HSPG2: variants seen among roughly 807,000 people sequenced by gnomAD.
HSPG2 encodes the protein basement membrane-specific heparan sulfate proteoglycan core protein.
HSPG2 carries 278 observed loss-of-function variants against 526.6 expected under a neutral mutation model. The observed-to-expected ratio is 0.53, with a 90% confidence interval of 0.48 to 0.58. The LOEUF (loss-of-function observed/expected upper bound fraction) is 0.58. Among genes scored for constraint, HSPG2 ranks in the 20% least tolerant of loss-of-function variants. The probability of loss-of-function intolerance (pLI) is 0.00; values close to 1 mark genes in which losing one functional copy is unlikely to be tolerated. For synonymous variants in HSPG2, 2,465 were observed against 2,555.4 expected, an observed-to-expected ratio of 0.96 and a Z score of 1.07; for missense variants, 5,354 against 6,099.5, an observed-to-expected ratio of 0.88 and a Z score of 4.07.
Position 21,864,048 on chromosome 1 carries a change from C to G in HSPG2, c.4740+52G>C, listed in dbSNP as rs141748265. On this transcript the variant is annotated intron_variant, in intron 37 of 96. Transcript: ENST00000374695. The surrounding 1 kb of genome is among the most constrained non-coding windows in gnomAD (Gnocchi z 4.8). ...CCTGCCTTGTCCAGCCCTGGTCCCC[C>G]ACCCAGGCCCAGCTGAGCTGACCCC... 14,517 of 1,381,688 alleles carry G rather than the reference C, an allele frequency of 0.011. 112 individuals carry two copies. Among genetic ancestry groups the G allele is most frequent in the Non-Finnish European group, 0.013 (12,541 of 994,130 alleles). 85.6% of individuals were successfully genotyped at this position (1,381,688 alleles called of 1,614,324 possible). A position where few individuals can be genotyped will look rare whatever the true frequency, so the allele number is the denominator to read the frequency against.
chr1:21,886,072 G>A (rs1483174488), intron 9 of HSPG2, among the ~76,000 whole-genome samples: 2 of 152,376 alleles, frequency 1.3e-5, no homozygotes, highest in South Asian at 2.1e-4. Flanking sequence ...AGCGGAAGCC[G>A]CGCATCCACA....
intron 37 of HSPG2, among the ~76,000 whole-genome samples, chr1:21,863,539 C>G (rs1572272053): frequency 1.3e-5 from 2 of 151,998 alleles, no homozygotes; most frequent in Admixed American, 1.3e-4. Context: ...TCACTGCGTA[C>G]CCTGGGGGGC....
At chr1:21,915,693 G>A (rs142606613) in intron 1 of HSPG2, among the ~76,000 whole-genome samples, 52 of 152,278 alleles carry the variant, frequency 3.4e-4, no homozygotes, top group African/African-American at 1.2e-3. Context: ...GAAATGTTGC[G>A]TGCCTGCACT....
At chr1:21,855,948 G>T in intron 44 of HSPG2, 36 bp from the exon 45 acceptor site, 1 of 1,601,122 alleles carries the variant, frequency 6.2e-7, no homozygotes, top group South Asian at 1.1e-5. Flanking sequence ...CACTCAGGGT[G>T]GGGAGTGTCG....
chr1:21,928,807 T>C (rs1644273763), intron 1 of HSPG2, among the ~76,000 whole-genome samples: 1 of 150,826 alleles, frequency 6.6e-6, no homozygotes, highest in Admixed American at 6.7e-5. Flanking sequence ...TGGAGTGCAA[T>C]GGCGCGATCT....
rs759466683 is a variant in HSPG2 at position 21,855,705 on chromosome 1, C to T, written c.5702-30G>A. On this transcript the variant is annotated intron_variant, in intron 45 of 96. Coordinates refer to ENST00000374695, the MANE Select transcript of HSPG2 (RefSeq NM_005529.7). Reference sequence around the variant, plus strand: ...CGAGTAGACGTGGGGTCAGCACCCACCAAGCCTGCTCAGAGTCCTGCCCCT... The same window carrying T: ...CGAGTAGACGTGGGGTCAGCACCCATCAAGCCTGCTCAGAGTCCTGCCCCT... 1.2e-5 allele frequency: 19 copies of T among 1,589,912 alleles called. 1 individual carries two copies. Among genetic ancestry groups the T allele is most frequent in the Middle Eastern group, 3.3e-4 (2 of 6,038 alleles).
At chr1:21,873,199 A>G in intron 30 of HSPG2, 108 bp from the exon 31 acceptor site, 1 of 1,143,004 alleles carries the variant, frequency 8.7e-7, no homozygotes, top group Non-Finnish European at 1.3e-6. Flanking sequence ...TGATGTGAGT[A>G]CTCAACACTC....
Position 21,880,495 on chromosome 1 carries a change from C to T in HSPG2, c.2063G>A (p.Ser688Asn). ...GGTCTGGATGAGCACGGCCTCCAGG[C>T]TCTGCAGCACCTGCAGCAGCTCCGC... Reference protein sequence around the residue: ...QRAELLQVLQSLEAVLIQTVY... With the variant: ...QRAELLQVLQNLEAVLIQTVY... Residue 688 changes from serine (S) to asparagine (N), a missense_variant, in exon 16 of 97, where the codon AGC becomes AAC. Transcript: ENST00000374695. 1 of 1,613,824 alleles carries T rather than the reference C, an allele frequency of 6.2e-7. No homozygotes were observed. The highest frequency in any genetic ancestry group is 8.5e-7 in the Non-Finnish European group (1 of 1,180,020).
chr1:21,851,757 C>T lies in HSPG2; in HGVS notation c.7006+34G>A, dbSNP rs1179432336. On this transcript the variant is annotated intron_variant, in intron 54 of 96. Transcript: ENST00000374695. The stretch of plus-strand genomic sequence containing the variant: ...CTCTGAAGCCACTCCAGCCTGTTCT[C>T]TGCATCCCAGCCCAGCCTGGTGGCC... The T allele has an allele frequency of 3.7e-6, 6 of 1,614,044 alleles. No homozygotes were observed. The South Asian group carries it at 6.6e-5, about 18-fold the overall frequency.
intron 3 of HSPG2, among the ~76,000 whole-genome samples, chr1:21,892,472 G>A (rs1467764064): frequency 1.3e-5 from 2 of 152,350 alleles, no homozygotes; most frequent in East Asian, 3.9e-4. Context: ...ACCCCACCCC[G>A]CTTCGTTCTT....
chr1:21,927,259 G>T (rs761859506), intron 1 of HSPG2, among the ~76,000 whole-genome samples: 2 of 151,716 alleles, frequency 1.3e-5, no homozygotes, highest in Non-Finnish European at 2.9e-5. Flanking sequence ...GGTGTGACCC[G>T]CCTGATGGGG....
chr1:21,879,994 T>A, intron 17 of HSPG2, 113 bp downstream of exon 17: 3 of 1,246,962 alleles, frequency 2.4e-6, no homozygotes, highest in Non-Finnish European at 3.5e-6. Flanking sequence ...ATAGTTCATC[T>A]GGCAGTCATG....
intron 1 of HSPG2, among the ~76,000 whole-genome samples, chr1:21,932,890 T>C (rs919453273): frequency 2.0e-5 from 3 of 151,760 alleles, no homozygotes; most frequent in African/African-American, 7.3e-5. Flanking sequence ...TACAACAAGA[T>C]CCCATCTCTA....
Position 21,874,623 on chromosome 1 carries a change from G to T in HSPG2, c.3521C>A (p.Ala1174Asp). Residue 1174 changes from alanine to aspartate, a missense_variant, in exon 27 of 97, where the codon GCC becomes GAC. Physicochemically the swap from Ala to Asp is moderately radical, Grantham distance 126 (BLOSUM62 -2). Coordinates refer to ENST00000374695, the MANE Select transcript of HSPG2 (RefSeq NM_005529.7). ...HSEACEPETG[A>D]CQGCQHHTEG... ...AAGGAGGGCGGGACTTACCTGGCAG[G>T]CACCTGTTTCTGGCTCGCAGGCCTC... The T allele has an allele frequency of 6.2e-7, 1 of 1,613,960 alleles. No homozygotes were observed. Among genetic ancestry groups the T allele is most frequent in the Non-Finnish European group, 8.5e-7 (1 of 1,179,938 alleles).
In HSPG2 at chr1:21,880,489, T is replaced by C; in HGVS notation, c.2069A>G (p.Glu690Gly). The C allele has an allele frequency of 2.5e-6, 4 of 1,613,796 alleles. No individual in the cohort carries two copies. Among genetic ancestry groups the C allele is most frequent in the Non-Finnish European group, 3.4e-6 (4 of 1,180,010 alleles). The change falls in exon 16 of 97, where the codon GAG becomes GGG. Residue 690 changes from glutamate to glycine, a missense_variant. Physicochemically the swap from Glu to Gly is moderately conservative, Grantham distance 98. Coordinates refer to ENST00000374695, the MANE Select transcript of HSPG2 (RefSeq NM_005529.7). ...AELLQVLQSLEAVLIQTVYNT... is the reference protein window; with the variant it reads ...AELLQVLQSLGAVLIQTVYNT... ...GTACACGGTCTGGATGAGCACGGCC[T>C]CCAGGCTCTGCAGCACCTGCAGCAG...
chr1:21,903,178 C>T (rs1557813621), intron 1 of HSPG2, among the ~76,000 whole-genome samples: 1 of 152,176 alleles, frequency 6.6e-6, no homozygotes, highest in Non-Finnish European at 1.5e-5. Flanking sequence ...CCCATTAATA[C>T]GACAGAGGCC....
intron 1 of HSPG2, among the ~76,000 whole-genome samples, chr1:21,919,956 G>C (rs1049768125): frequency 6.6e-6 from 1 of 152,160 alleles, no homozygotes; most frequent in Non-Finnish European, 1.5e-5. Flanking sequence ...GCCCAGGCTG[G>C]AGTGCAGTGG....
intron 1 of HSPG2, among the ~76,000 whole-genome samples, chr1:21,920,938 T>C (rs532756230): frequency 1.3e-5 from 2 of 152,298 alleles, no homozygotes; most frequent in South Asian, 2.1e-4. Context: ...GATCTGCCTA[T>C]GCCTCCTCCC....
At chr1:21,899,007 G>A (rs1642939196) in intron 1 of HSPG2, among the ~76,000 whole-genome samples, 1 of 152,184 alleles carries the variant, frequency 6.6e-6, no homozygotes, top group African/African-American at 2.4e-5. Context: ...AAGAAAGCCA[G>A]GAACACACAT....
Sources: allele counts gnomAD v4.1 joint callset (sites outside exome capture counted in the v4.1 genomes callset), GRCh38; gene constraint gnomAD v4.1.1; non-coding constraint Gnocchi (gnomAD v3.1); transcripts MANE v1.5; gene names NCBI Gene and HGNC (gene_info 2026-07-23, HGNC 2026-07-21).